The following RUFY4 variants were observed in gnomAD, a reference collection of about 807,000 sequenced individuals.
The protein encoded by RUFY4 is RUN and FYVE domain containing 4, also known as RUN and FYVE domain-containing protein 4.
RUFY4 carries 73 observed loss-of-function variants against 69.0 expected under a neutral mutation model. That is an observed-to-expected ratio of 1.06 (90% CI 0.88 to 1.29). RUFY4 has a LOEUF of 1.29. Ranked by LOEUF, RUFY4 falls within the 50% of genes most tolerant of loss-of-function variation. The pLI, the probability that RUFY4 is intolerant of heterozygous loss-of-function variation, is 0.00. For missense variants in RUFY4, 770 were observed against 705.6 expected (o/e 1.09, Z -1.03); for synonymous variants, 287 against 271.8 (o/e 1.06, Z -0.55).
chr2:218,072,630 G>C (rs1184820582), intron 3 of RUFY4, 131 bp downstream of exon 5: 1 of 1,378,702 alleles, frequency 7.3e-7, no homozygotes, highest in Admixed American at 2.5e-5. Context: ...CCTGCCCACA[G>C]CACCCCTCCA....
chr2:218,075,469 A>G (rs773140342), exon 7 of RUFY4: 2 of 1,604,318 alleles, frequency 1.2e-6, no homozygotes, highest in African/African-American at 1.3e-5. Context: ...GCAGAGGGTC[A>G]GAGAACAACA....
exon 11 of RUFY4, chr2:218,090,121 G>A: frequency 1.1e-6 from 1 of 952,132 alleles, no homozygotes; most frequent in Non-Finnish European, 1.6e-6. Flanking sequence ...TCCACTCCCT[G>A]CCCGTAGCTC....
intron 2 of RUFY4, among the ~76,000 whole-genome samples, chr2:218,037,421 A>T (rs911806281): frequency 6.6e-6 from 1 of 152,210 alleles, no homozygotes; most frequent in African/African-American, 2.4e-5. Context: ...TTCTCTCTAC[A>T]TTCACTCTCA....
chr2:218,066,236 C>A (rs529581848), upstream of RUFY4, among the ~76,000 whole-genome samples: 15 of 137,240 alleles, frequency 1.1e-4, no homozygotes, highest in Non-Finnish European at 2.0e-4. Context: ...CAGGCTGGAG[C>A]GCAGTGGCAC....
Position 218,089,949 on chromosome 2 carries a change from C to T in RUFY4, c.1614-3C>T, listed in dbSNP as rs1429006579. The T allele has an allele frequency of 1.3e-6, 2 of 1,556,304 alleles. No individual in the cohort carries two copies. ...CCCAGGCTTTCCTGCCTCTGCCTTC[C>T]AGGCTCTGTGGAGGCCTGCTCTGCC... On this transcript the variant is annotated splice_region_variant and splice_polypyrimidine_tract_variant and intron_variant, in intron 10 of 10. Coordinates refer to ENST00000344321, the Ensembl canonical transcript of RUFY4.
At chr2:218,036,290 T>C (rs577567207) in intron 2 of RUFY4, among the ~76,000 whole-genome samples, 1 of 152,270 alleles carries the variant, frequency 6.6e-6, no homozygotes, top group South Asian at 2.1e-4. Context: ...GATATAAGTC[T>C]TTCCCTCTCT....
intron 10 of RUFY4, 23 bp downstream of exon 12, chr2:218,089,385 C>T (rs1689976618): frequency 4.4e-6 from 7 of 1,599,602 alleles, no homozygotes; most frequent in Non-Finnish European, 5.1e-6. Context: ...GCACAGAATC[C>T]TCCCTCTGGG....
At chr2:218,084,289 T>C (rs182213034) in intron 9 of RUFY4, among the ~76,000 whole-genome samples, 341 of 152,118 alleles carry the variant, frequency 2.2e-3, no homozygotes, top group African/African-American at 7.9e-3. Flanking sequence ...TGGAGTGCAG[T>C]GGCGCCATCT....
chr2:218,053,655 G>A (rs1340316971), intron 2 of RUFY4, among the ~76,000 whole-genome samples: 1 of 152,166 alleles, frequency 6.6e-6, no homozygotes, highest in Non-Finnish European at 1.5e-5. Flanking sequence ...GACTACAGGC[G>A]TCTGCCACCG....
chr2:218,090,532 T>C (rs1447531604), exon 11 of RUFY4: 1 of 163,368 alleles, frequency 6.1e-6, no homozygotes, highest in Non-Finnish European at 1.4e-5. Flanking sequence ...TGTGTTTCTT[T>C]TTATGTTTAT....
exon 11 of RUFY4, chr2:218,089,977 G>A (rs1427522818): frequency 1.3e-6 from 2 of 1,566,572 alleles, no homozygotes; most frequent in African/African-American, 2.7e-5. Context: ...GCTCTGCCAT[G>A]CTTGCTCCAT....
At chr2:218,061,884 A>C (rs1689203299) in intron 3 of RUFY4, among the ~76,000 whole-genome samples, 1 of 152,216 alleles carries the variant, frequency 6.6e-6, no homozygotes, top group Non-Finnish European at 1.5e-5. Flanking sequence ...CTCAAAACAG[A>C]TCAAGGTTTG....
intron 9 of RUFY4, among the ~76,000 whole-genome samples, chr2:218,085,022 T>A (rs1010185714): frequency 5.3e-5 from 8 of 152,186 alleles, no homozygotes; most frequent in African/African-American, 1.2e-4. Context: ...CACTCCAGCC[T>A]GAGTGACAAG....
At chr2:218,050,221 C>T (rs1408119149) in intron 2 of RUFY4, among the ~76,000 whole-genome samples, 1 of 152,230 alleles carries the variant, frequency 6.6e-6, no homozygotes, top group Non-Finnish European at 1.5e-5. Context: ...TCCGCTCCTG[C>T]AGCTGAGAGC....
chr2:218,042,216 CAA>C (rs758892730), intron 2 of RUFY4, among the ~76,000 whole-genome samples: 13 of 152,156 alleles, frequency 8.5e-5, no homozygotes, highest in Non-Finnish European at 1.6e-4. Context: ...TTCCCTGGAG[CAA>C]AGTTTCCAGA....
intron 3 of RUFY4, chr2:218,059,268 A>T (rs796243172): frequency 4.6e-5 from 7 of 152,950 alleles, no homozygotes; most frequent in African/African-American, 1.7e-4. Context: ...ATTGAGGTAA[A>T]ATATACATAA....
chr2:218,089,779 A>G (rs1689987615), intron 10 of RUFY4, 173 bp from the exon 13 acceptor site: 1 of 710,340 alleles, frequency 1.4e-6, no homozygotes, highest in Non-Finnish European at 2.6e-6. Flanking sequence ...GCATCAGGAC[A>G]CCCTTCAGGA....
At chr2:218,059,369 C>T (rs1689132262) in intron 3 of RUFY4, 1 of 164,934 alleles carries the variant, frequency 6.1e-6, no homozygotes, top group South Asian at 2.1e-4. Flanking sequence ...TTTATCTTTA[C>T]AACTTTTTCA....
upstream of RUFY4, chr2:218,070,432 G>A (rs1689457722): frequency 3.0e-6 from 2 of 657,440 alleles, no homozygotes; most frequent in Non-Finnish European, 5.5e-6. Flanking sequence ...CTACAAGATA[G>A]AGCTGGGATT....
Sources: allele counts gnomAD v4.1 joint callset (sites outside exome capture counted in the v4.1 genomes callset), GRCh38; gene constraint gnomAD v4.1.1; transcripts MANE v1.5; gene names NCBI Gene and HGNC (gene_info 2026-07-23, HGNC 2026-07-21).